TOGARAM1: variants seen among roughly 807,000 people sequenced by gnomAD.
The protein encoded by TOGARAM1 is TOG array regulator of axonemal microtubules protein 1.
A neutral mutation model predicts 166.6 loss-of-function variants in TOGARAM1; 100 were observed. The ratio of observed to expected loss-of-function variants is 0.60; its 90% CI spans 0.51 to 0.71. The LOEUF (loss-of-function observed/expected upper bound fraction) is 0.71. Among genes scored for constraint, TOGARAM1 ranks in the 30% least tolerant of loss-of-function variants. TOGARAM1 has a pLI of 0.00. For missense variants in TOGARAM1, 2,029 were observed against 2,102.7 expected (o/e 0.96, Z 0.69); for synonymous variants, 758 against 763.8 (o/e 0.99, Z 0.13).
intron 16 of TOGARAM1, among the ~76,000 whole-genome samples, chr14:45,057,690 C>T (rs1882706718): frequency 6.6e-6 from 1 of 152,062 alleles, no homozygotes; most frequent in Non-Finnish European, 1.5e-5. Flanking sequence ...AAATTTTTGT[C>T]ATTGACTCTG....
chr14:45,015,922 T>G (rs775127188), intron 7 of TOGARAM1, among the ~76,000 whole-genome samples: 1 of 152,200 alleles, frequency 6.6e-6, no homozygotes, highest in Non-Finnish European at 1.5e-5. Flanking sequence ...GAATCTTCCC[T>G]AAGCATACCA....
chr14:45,049,121 G>T (rs1882232095), intron 14 of TOGARAM1, among the ~76,000 whole-genome samples: 1 of 148,184 alleles, frequency 6.7e-6, no homozygotes, highest in Non-Finnish European at 1.5e-5. Context: ...GGCTGTCAGT[G>T]AGGGTCCTTG....
intron 16 of TOGARAM1, among the ~76,000 whole-genome samples, chr14:45,060,903 T>A (rs1882875253): frequency 6.6e-6 from 1 of 152,240 alleles, no homozygotes. Flanking sequence ...CTAGGCACTG[T>A]ACTATTTTTC....
Position 45,054,498 on chromosome 14 carries a change from G to A in TOGARAM1, c.4508G>A (p.Gly1503Glu). 2 of 1,613,606 alleles carry A rather than the reference G, an allele frequency of 1.2e-6. No individual in the cohort carries two copies. The highest frequency in any genetic ancestry group is 4.5e-5 in the East Asian group (2 of 44,790). Residue 1503 changes from glycine to glutamate, a missense_variant, in exon 16 of 20, where the codon GGA becomes GAA. Physicochemically the swap from Gly to Glu is moderately conservative, Grantham distance 98 (BLOSUM62 -2). Coordinates refer to ENST00000361462, the MANE Select transcript of TOGARAM1 (RefSeq NM_001308120.2). ...KGRRSHTGSV[G>E]NTRSSSVSRD... The stretch of plus-strand genomic sequence containing the variant: ...AGACGATCTCATACTGGCAGTGTTG[G>A]AAATACAAGATCATCATCTGTTTCT...
chr14:44,973,531 A>G lies in TOGARAM1; in HGVS notation c.2046+9064A>G, dbSNP rs1038391608. 4.7e-5 allele frequency among the ~76,000 whole-genome samples: 7 copies of G among 148,728 alleles called. 1 individual carries two copies. The highest frequency in any genetic ancestry group is 1.8e-4 in the African/African-American group (7 of 38,928). On this transcript the variant is annotated intron_variant, in intron 1 of 19. Coordinates refer to ENST00000361462, the MANE Select transcript of TOGARAM1 (RefSeq NM_001308120.2). ...TCTGTTAGATCTGTTAAAAATATGA[A>G]AAATAAGTTTTTTTTTTAACCTTTA...
intron 1 of TOGARAM1, among the ~76,000 whole-genome samples, chr14:44,975,733 C>A (rs1265105545): frequency 6.7e-6 from 1 of 149,662 alleles, no homozygotes; most frequent in Non-Finnish European, 1.5e-5. Context: ...TCCCAAAGTG[C>A]TGGGATTACA....
intron 1 of TOGARAM1, among the ~76,000 whole-genome samples, chr14:44,993,973 A>G (rs1887280387): frequency 6.6e-6 from 1 of 152,248 alleles, no homozygotes; most frequent in Non-Finnish European, 1.5e-5. Context: ...ATCTTTTAAT[A>G]TATCTAATCA....
At chr14:45,052,659 C>T (rs898391873) in intron 15 of TOGARAM1, 97 bp downstream of exon 15, 2 of 1,155,956 alleles carry the variant, frequency 1.7e-6, no homozygotes. Context: ...TTGATTATTT[C>T]TCTGTTAATC....
intron 2 of TOGARAM1, among the ~76,000 whole-genome samples, chr14:44,998,517 C>G (rs1205636254): frequency 6.6e-6 from 1 of 152,176 alleles, no homozygotes; most frequent in African/African-American, 2.4e-5. Context: ...GAGTTCGAGA[C>G]CAGCCTTAAA....
At chr14:45,021,483 T>C (rs1166323527) in intron 7 of TOGARAM1, among the ~76,000 whole-genome samples, 1 of 152,126 alleles carries the variant, frequency 6.6e-6, no homozygotes, top group Non-Finnish European at 1.5e-5. Flanking sequence ...GAGAAAAATA[T>C]GATAAGGGAG....
Position 44,962,238 on chromosome 14 carries a change from C to T in TOGARAM1, c.-184C>T. ...GGTGGCAGCTGTGGGGTCTAGGGCT[C>T]AGACGGGGGCCATTTTGCCAGAGGC... On this transcript the variant is annotated 5_prime_UTR_variant, in exon 1 of 20. Coordinates refer to ENST00000361462, the MANE Select transcript of TOGARAM1 (RefSeq NM_001308120.2). The T allele has an allele frequency of 3.1e-6, 2 of 636,924 alleles. No individual in the cohort carries two copies. Among genetic ancestry groups the T allele is most frequent in the Non-Finnish European group, 2.5e-6 (1 of 394,780 alleles). 39.5% of individuals were successfully genotyped at this position (636,924 alleles called of 1,614,324 possible).
chr14:44,995,920 A>G lies in TOGARAM1; in HGVS notation c.2203+18A>G. On this transcript the variant is annotated intron_variant, in intron 2 of 19. Coordinates refer to ENST00000361462, the MANE Select transcript of TOGARAM1 (RefSeq NM_001308120.2). ...TGCTGCTGGTAAGTACAAGTTGCTG[A>G]TGATGGTCATGTTGAACTAACAGAC... 6.3e-7 allele frequency: 1 copy of G among 1,579,850 alleles called. No individual in the cohort carries two copies. The highest frequency in any genetic ancestry group is 2.3e-5 in the East Asian group (1 of 44,238).
chr14:45,000,515 T>G (rs1161801437), intron 3 of TOGARAM1, among the ~76,000 whole-genome samples: 1 of 152,202 alleles, frequency 6.6e-6, no homozygotes, highest in East Asian at 1.9e-4. Context: ...CTATCTAGGT[T>G]ATTGCAAATG....
chr14:45,011,685 A>G (rs536155004), intron 6 of TOGARAM1, among the ~76,000 whole-genome samples: 1 of 151,916 alleles, frequency 6.6e-6, no homozygotes, highest in East Asian at 1.9e-4. Flanking sequence ...TATAAGTCAG[A>G]GTCATTTTCT....
chr14:45,033,495 T>A (rs1032670189), intron 11 of TOGARAM1, among the ~76,000 whole-genome samples: 12 of 152,190 alleles, frequency 7.9e-5, no homozygotes, highest in African/African-American at 2.2e-4. Context: ...TCTATAAAAC[T>A]TTACTTATAA....
intron 10 of TOGARAM1, among the ~76,000 whole-genome samples, chr14:45,029,314 G>C (rs1881031178): frequency 6.6e-6 from 1 of 152,210 alleles, no homozygotes. Flanking sequence ...CCAGTGTGAA[G>C]AGTAGAAATA....
Position 45,027,347 on chromosome 14 carries a change from T to G in TOGARAM1, c.3377T>G (p.Val1126Gly). The change falls in exon 9 of 20, where the codon GTG becomes GGG. Residue 1126 changes from valine (V) to glycine (G), a missense_variant. Physicochemically the swap from Val to Gly is moderately radical, Grantham distance 109 (BLOSUM62 -3). Transcript: ENST00000361462. ...SSAPATCSQS[V>G]ISSVENGDTF... ...GCACCAGCAACCTGCAGCCAATCAG[T>G]GATATCTTCTGTGGAAAATGGGGAT... 6.2e-7 allele frequency: 1 copy of G among 1,613,620 alleles called. No homozygotes were observed. Among genetic ancestry groups the G allele is most frequent in the Non-Finnish European group, 8.5e-7 (1 of 1,179,866 alleles).
chr14:45,035,403 C>A (rs1881375014), intron 11 of TOGARAM1, among the ~76,000 whole-genome samples: 1 of 151,292 alleles, frequency 6.6e-6, no homozygotes, highest in African/African-American at 2.4e-5. Flanking sequence ...AGAAACAAGA[C>A]TGAAAAAAAA....
At chr14:45,056,322 CAG>C (rs907487534) in intron 16 of TOGARAM1, among the ~76,000 whole-genome samples, 1 of 152,060 alleles carries the variant, frequency 6.6e-6, no homozygotes, top group African/African-American at 2.4e-5. Flanking sequence ...CATCAGCAAA[CAG>C]GGATAATTTG....
Sources: allele counts gnomAD v4.1 joint callset (sites outside exome capture counted in the v4.1 genomes callset), GRCh38; gene constraint gnomAD v4.1.1; transcripts MANE v1.5; gene names NCBI Gene and HGNC (gene_info 2026-07-23, HGNC 2026-07-21).